FMN1: variants seen among roughly 807,000 people sequenced by gnomAD.
The protein encoded by FMN1 is formin 1, also known as formin-1.
Under a neutral mutation model 132.4 loss-of-function variants are expected in FMN1, and 110 were observed. The observed-to-expected ratio is 0.83, with a 90% confidence interval of 0.71 to 0.97. FMN1 has a LOEUF of 0.97. Among genes scored for constraint, FMN1 ranks in the 50% least tolerant of loss-of-function variants. FMN1 has a pLI of 0.00. For missense variants in FMN1, 1,792 were observed against 1,705.3 expected (o/e 1.05, Z -0.90); for synonymous variants, 722 against 651.7 (o/e 1.11, Z -1.64).
chr15:33,036,639 T>G (rs963617062), intron 6 of FMN1, among the ~76,000 whole-genome samples: 1 of 152,130 alleles, frequency 6.6e-6, no homozygotes, highest in Non-Finnish European at 1.5e-5. Context: ...CAAGTAGAGT[T>G]TAAAATTTCT....
chr15:32,807,236 A>G (rs1166583831), intron 17 of FMN1, among the ~76,000 whole-genome samples: 2 of 152,202 alleles, frequency 1.3e-5, no homozygotes, highest in African/African-American at 4.8e-5. Flanking sequence ...CAACTAGTAA[A>G]ACTTATTTTG....
intron 17 of FMN1, among the ~76,000 whole-genome samples, chr15:32,809,636 C>G (rs979124931): frequency 1.3e-5 from 2 of 152,092 alleles, no homozygotes; most frequent in Non-Finnish European, 2.9e-5. Flanking sequence ...TTCTCCTACC[C>G]TTCTGTTTGA....
At chr15:32,994,862 C>T (rs2033669528) in intron 7 of FMN1, among the ~76,000 whole-genome samples, 1 of 152,140 alleles carries the variant, frequency 6.6e-6, no homozygotes, top group African/African-American at 2.4e-5. Context: ...TAAGCACTGC[C>T]TATGAGTATG....
Position 32,769,749 on chromosome 15 carries a change from G to A in FMN1, c.*4561C>T, listed in dbSNP as rs1350347755. 6.6e-6 allele frequency: 1 copy of A among 152,184 alleles called. No individual in the cohort carries two copies. Among genetic ancestry groups the A allele is most frequent in the Non-Finnish European group, 1.5e-5 (1 of 68,036 alleles). 9.4% of individuals were successfully genotyped at this position (152,184 alleles called of 1,614,324 possible). ...GGCCACACAGACTGGTTTCATCTGT[G>A]TTGCAGATTTCTTTATGAGGTCAAA... On this transcript the variant is annotated 3_prime_UTR_variant, in exon 21 of 21. Transcript: ENST00000616417.
chr15:33,028,013 C>T (rs1468401045), intron 6 of FMN1, among the ~76,000 whole-genome samples: 2 of 152,174 alleles, frequency 1.3e-5, no homozygotes, highest in Non-Finnish European at 2.9e-5. Context: ...TTGGGCAAGT[C>T]AAAATTTCTC....
chr15:32,809,790 A>G (rs78380498), intron 17 of FMN1, among the ~76,000 whole-genome samples: 2,812 of 152,194 alleles, frequency 0.018, 94 homozygotes, highest in African/African-American at 0.063. Context: ...CAGCACACAG[A>G]ATGCTATGTC....
chr15:33,081,770 T>G (rs2038469817), intron 5 of FMN1, among the ~76,000 whole-genome samples: 1 of 152,158 alleles, frequency 6.6e-6, no homozygotes, highest in South Asian at 2.1e-4. Flanking sequence ...TACTAACACC[T>G]CTAAGGGCAG....
chr15:32,943,870 G>A (rs914913328), intron 9 of FMN1, among the ~76,000 whole-genome samples: 1 of 152,154 alleles, frequency 6.6e-6, no homozygotes, highest in Admixed American at 6.5e-5. Flanking sequence ...CAGAGTGAGA[G>A]TTTCGCAATG....
At chr15:33,159,398 G>A (rs961215501) in intron 3 of FMN1, among the ~76,000 whole-genome samples, 1 of 151,970 alleles carries the variant, frequency 6.6e-6, no homozygotes, top group African/African-American at 2.4e-5. Context: ...GATGTATCGG[G>A]GAATAATCAA....
intron 17 of FMN1, among the ~76,000 whole-genome samples, chr15:32,818,139 G>A (rs2058107997): frequency 1.3e-5 from 2 of 152,164 alleles, no homozygotes; most frequent in Admixed American, 1.3e-4. Flanking sequence ...ACACTCATTT[G>A]TGCTTTAGTT....
At chr15:32,863,254 G>A (rs1434288756) in intron 16 of FMN1, among the ~76,000 whole-genome samples, 1 of 152,028 alleles carries the variant, frequency 6.6e-6, no homozygotes, top group Non-Finnish European at 1.5e-5. Flanking sequence ...TGCCTAACAC[G>A]GTGAAACCCC....
intron 4 of FMN1, among the ~76,000 whole-genome samples, chr15:33,107,325 A>G (rs1003413670): frequency 1.3e-5 from 2 of 152,038 alleles, no homozygotes; most frequent in African/African-American, 4.8e-5. Context: ...TCGTGCCTAG[A>G]CACAATACTC....
chr15:33,147,978 A>G (rs1344177164), intron 4 of FMN1, among the ~76,000 whole-genome samples: 3 of 152,212 alleles, frequency 2.0e-5, no homozygotes, highest in Non-Finnish European at 2.9e-5. Flanking sequence ...TAAAAATCAT[A>G]TTACCAGGAC....
chr15:33,145,063 C>G (rs927701756), intron 4 of FMN1, among the ~76,000 whole-genome samples: 1 of 152,110 alleles, frequency 6.6e-6, no homozygotes, highest in Non-Finnish European at 1.5e-5. Flanking sequence ...CTGACTCTAC[C>G]GATTTTGGTG....
intron 17 of FMN1, among the ~76,000 whole-genome samples, chr15:32,845,375 G>C (rs1297445491): frequency 2.0e-5 from 3 of 152,144 alleles, no homozygotes; most frequent in Non-Finnish European, 4.4e-5. Context: ...GGTAAAAGAG[G>C]ACCTCTATTA....
At chr15:32,965,008 C>T (rs148717735) in intron 8 of FMN1, among the ~76,000 whole-genome samples, 35 of 152,304 alleles carry the variant, frequency 2.3e-4, no homozygotes, top group African/African-American at 7.7e-4. Context: ...AACAGAACAG[C>T]CTCCGTGAGC....
At position 33,150,061 on chromosome 15, in the gene FMN1, C is replaced by T. The variant is rs58480419; in HGVS notation, c.1867+2987G>A. ...CCTGGAGCATATGCTTCCATCACCACATCAGTGACTTCAGTCAAAGGAAAA... is the reference window on the plus strand; with the variant it reads ...CCTGGAGCATATGCTTCCATCACCATATCAGTGACTTCAGTCAAAGGAAAA... On this transcript the variant is annotated intron_variant, in intron 4 of 20. Transcript: ENST00000616417. The T allele has an allele frequency of 9.4e-3, 9,261 of 985,382 alleles. 680 individuals carry two copies. In the African/African-American group the frequency reaches 0.15, roughly 16 times the overall value. 61.0% of individuals were successfully genotyped at this position (985,382 alleles called of 1,614,324 possible). A position where few individuals can be genotyped will look rare whatever the true frequency, so the allele number is the denominator to read the frequency against.
intron 17 of FMN1, among the ~76,000 whole-genome samples, chr15:32,853,997 A>G (rs1035668808): frequency 6.6e-6 from 1 of 152,252 alleles, no homozygotes; most frequent in African/African-American, 2.4e-5. Context: ...TGAACCACTA[A>G]TACAATTTAG....
chr15:32,969,246 C>T lies in FMN1; in HGVS notation c.2455G>A (p.Glu819Lys). 6.2e-7 allele frequency: 1 copy of T among 1,613,912 alleles called. No individual in the cohort carries two copies. The highest frequency in any genetic ancestry group is 8.5e-7 in the Non-Finnish European group (1 of 1,179,896). ...RETFLKPCES[E>K]SKTTRSNQLV... is the part of the protein sequence containing the mutation. ...TGATTACTTCTGGTTGTCTTGCTTT[C>T]ACTTTCACAGGGCTTGAGGAAGGTC... The change falls in exon 8 of 21, where the codon GAA (glutamate) becomes AAA (lysine). Residue 819 changes from glutamate to lysine, a missense_variant. Physicochemically the swap from Glu to Lys is moderately conservative, Grantham distance 56. Around this residue, in one of 3 missense-constraint regions of FMN1, gnomAD observed 1,150 missense variants for 1,043.1 expected, o/e 1.10. Transcript: ENST00000616417.
Sources: allele counts gnomAD v4.1 joint callset (sites outside exome capture counted in the v4.1 genomes callset), GRCh38; gene constraint gnomAD v4.1.1; regional missense constraint gnomAD v4.1.1; transcripts MANE v1.5; gene names NCBI Gene and HGNC (gene_info 2026-07-23, HGNC 2026-07-21).